The following RNGTT variants were observed in gnomAD, a reference collection of about 807,000 sequenced individuals.
RNGTT encodes RNA guanylyltransferase and 5'-phosphatase.
Under a neutral mutation model 79.3 loss-of-function variants are expected in RNGTT, and 33 were observed. The observed-to-expected ratio is 0.42, with a 90% CI of 0.32 to 0.56. The LOEUF (loss-of-function observed/expected upper bound fraction) is 0.56, where lower values mean the gene tolerates loss of function less well. Among genes scored for constraint, RNGTT ranks in the 20% least tolerant of loss-of-function variants. The pLI is 0.17. For missense variants in RNGTT, 497 were observed against 739.1 expected, an observed-to-expected ratio of 0.67 and a Z score of 3.80; for synonymous variants, 222 against 235.9, an observed-to-expected ratio of 0.94 and a Z score of 0.54.
At chr6:88,882,688 C>T (rs115243057) in intron 8 of RNGTT, among the ~76,000 whole-genome samples, 1,903 of 152,310 alleles carry the variant, frequency 0.012, 41 homozygotes, top group African/African-American at 0.042. Context: ...GCCACAAGGG[C>T]TCTGCCCTCA....
chr6:88,927,304 A>G (rs1277620171), intron 4 of RNGTT, among the ~76,000 whole-genome samples: 2 of 151,830 alleles, frequency 1.3e-5, no homozygotes, highest in Non-Finnish European at 2.9e-5. Context: ...AGGCAGGCAG[A>G]TCACCCGAGG....
chr6:88,678,540 C>T (rs944233431), intron 13 of RNGTT, 121 bp from the exon 14 acceptor site: 1 of 460,242 alleles, frequency 2.2e-6, no homozygotes, highest in East Asian at 4.6e-5. Context: ...TAGATGGATG[C>T]TGTGAGAAAA....
chr6:88,695,358 A>G (rs918516211), intron 13 of RNGTT, among the ~76,000 whole-genome samples: 4 of 152,216 alleles, frequency 2.6e-5, no homozygotes, highest in African/African-American at 9.6e-5. Context: ...GAACTTGAAT[A>G]GACATTTCTC....
intron 14 of RNGTT, among the ~76,000 whole-genome samples, chr6:88,629,659 C>A (rs1772771853): frequency 6.6e-6 from 1 of 152,118 alleles, no homozygotes; most frequent in East Asian, 1.9e-4. Context: ...TGGACGTTCA[C>A]CACTCAACTG....
chr6:88,962,639 C>T (rs1022837809), intron 1 of RNGTT, among the ~76,000 whole-genome samples: 1 of 152,262 alleles, frequency 6.6e-6, no homozygotes, highest in Admixed American at 6.5e-5. Flanking sequence ...GGTGTGGTGG[C>T]ACGCGCCTGT....
At chr6:88,676,564 T>C (rs1156240889) in intron 14 of RNGTT, among the ~76,000 whole-genome samples, 1 of 152,076 alleles carries the variant, frequency 6.6e-6, no homozygotes, top group Non-Finnish European at 1.5e-5. Context: ...GCATGAGCCA[T>C]GAAAGAAAAA....
intron 4 of RNGTT, among the ~76,000 whole-genome samples, chr6:88,926,822 G>T (rs989173108): frequency 6.6e-6 from 1 of 152,166 alleles, no homozygotes; most frequent in African/African-American, 2.4e-5. Context: ...TGTGTGACAT[G>T]GTTTACACAA....
intron 8 of RNGTT, among the ~76,000 whole-genome samples, chr6:88,871,023 G>A (rs1782336233): frequency 6.6e-6 from 1 of 152,062 alleles, no homozygotes; most frequent in Admixed American, 6.6e-5. Flanking sequence ...AGAAAATGCT[G>A]TTTGTAGTTT....
rs1366753601 is a variant in RNGTT, at chr6:88,935,398, C to T, written c.174+5673G>A. On this transcript the variant is annotated intron_variant, in intron 2 of 15. Transcript: ENST00000369485. ...CTCAAGATTGCTTTGGTTATTCAGGCTCATTTCAGGTTCCATAAAAATGTT... is the reference window on the plus strand; with the variant it reads ...CTCAAGATTGCTTTGGTTATTCAGGTTCATTTCAGGTTCCATAAAAATGTT... Among the ~76,000 whole-genome samples the T allele has an allele frequency of 3.3e-5, 5 of 152,092 alleles. No homozygotes were observed. The South Asian group carries it at 8.3e-4, about 25-fold the overall frequency.
At chr6:88,887,441 C>T (rs779302183) in intron 8 of RNGTT, among the ~76,000 whole-genome samples, 15 of 152,124 alleles carry the variant, frequency 9.9e-5, no homozygotes, top group South Asian at 2.1e-4. Context: ...AATCCTAGTG[C>T]GCAAAAGATA....
chr6:88,772,839 T>TGGAAAAATA (rs1189972831), intron 12 of RNGTT, among the ~76,000 whole-genome samples: 1 of 152,004 alleles, frequency 6.6e-6, no homozygotes, highest in South Asian at 2.1e-4. Flanking sequence ...GGAGAGGATG[T>TGGAAAAATA]GGAAAAATAG....
At chr6:88,819,162 T>C (rs1445128716) in intron 11 of RNGTT, among the ~76,000 whole-genome samples, 2 of 152,162 alleles carry the variant, frequency 1.3e-5, no homozygotes, top group African/African-American at 4.8e-5. Context: ...TAACATTAAG[T>C]ATTCCCCAAA....
intron 12 of RNGTT, among the ~76,000 whole-genome samples, chr6:88,783,715 C>T (rs946190896): frequency 2.0e-5 from 3 of 152,108 alleles, no homozygotes; most frequent in East Asian, 1.9e-4. Flanking sequence ...AACAGCAATA[C>T]TACTGACATT....
chr6:88,736,379 T>A (rs907917723), intron 13 of RNGTT, among the ~76,000 whole-genome samples: 1 of 152,184 alleles, frequency 6.6e-6, no homozygotes, highest in South Asian at 2.1e-4. Context: ...AAACTACAGA[T>A]GAGTGTCTCT....
chr6:88,888,859 G>A (rs900898602), intron 8 of RNGTT, among the ~76,000 whole-genome samples: 1 of 152,086 alleles, frequency 6.6e-6, no homozygotes, highest in African/African-American at 2.4e-5. Flanking sequence ...GAGAAACCCT[G>A]TCTCTACTAA....
chr6:88,820,623 C>T (rs1052701396), intron 11 of RNGTT, among the ~76,000 whole-genome samples: 2 of 152,184 alleles, frequency 1.3e-5, no homozygotes, highest in African/African-American at 4.8e-5. Flanking sequence ...TTCCCACATA[C>T]CAGCAATGGT....
chr6:88,732,124 C>G (rs1441604180), intron 13 of RNGTT, among the ~76,000 whole-genome samples: 2 of 152,094 alleles, frequency 1.3e-5, no homozygotes, highest in Non-Finnish European at 2.9e-5. Flanking sequence ...TAAGTAGACT[C>G]ACACAGTTCA....
intron 4 of RNGTT, among the ~76,000 whole-genome samples, chr6:88,917,801 C>T (rs926299958): frequency 3.3e-5 from 5 of 151,684 alleles, no homozygotes; most frequent in Non-Finnish European, 7.4e-5. Flanking sequence ...GCAGGAGAAT[C>T]GCGTGAGCCC....
intron 1 of RNGTT, among the ~76,000 whole-genome samples, chr6:88,960,177 T>A (rs752387794): frequency 6.6e-6 from 1 of 152,228 alleles, no homozygotes; most frequent in Admixed American, 6.5e-5. Context: ...GCTACTCCCA[T>A]GAGACTCTGC....
Sources: gnomAD v4.1 joint callset for allele counts (sites outside exome capture counted in the v4.1 genomes callset) on GRCh38, gnomAD v4.1.1 for gene constraint, MANE v1.5 for transcripts, NCBI Gene and HGNC (gene_info 2026-07-23, HGNC 2026-07-21) for gene names.